Variants in CACNA2D2 observed in about 807,000 individuals in gnomAD.
CACNA2D2 encodes the protein voltage-dependent calcium channel subunit alpha-2/delta-2.
In CACNA2D2, 48 loss-of-function variants were observed where a neutral mutation model predicts 166.4. The ratio of observed to expected loss-of-function variants is 0.29; its 90% CI spans 0.23 to 0.37. CACNA2D2 has a LOEUF of 0.37. CACNA2D2 is among the 10% of genes least tolerant of loss of function. The pLI is 1.00. For missense variants in CACNA2D2, 1,122 were observed against 1,433.0 expected, an observed-to-expected ratio of 0.78 and a Z score of 3.50; for synonymous variants, 561 against 573.7, an observed-to-expected ratio of 0.98 and a Z score of 0.32.
At position 50,502,474 on chromosome 3, in the gene CACNA2D2, G is replaced by A. The variant is rs373656851; in HGVS notation, c.206+744C>T. On this transcript the variant is annotated intron_variant, in intron 1 of 37. Transcript: ENST00000424201. ...TGCTGGCTCTTGGGGAGGAGGAGAA[G>A]GCTCAGAAGGACCAAAAAACCTGCG... Among the ~76,000 whole-genome samples the A allele has an allele frequency of 5.3e-5, 8 of 152,372 alleles. No individual in the cohort carries two copies. In the East Asian group the frequency reaches 1.2e-3, roughly 22 times the overall value.
At chr3:50,393,718 G>T (rs1705999950) in intron 4 of CACNA2D2, among the ~76,000 whole-genome samples, 1 of 152,226 alleles carries the variant, frequency 6.6e-6, no homozygotes, top group South Asian at 2.1e-4. Flanking sequence ...GTCAGGGAAG[G>T]GCATTTGGTC....
intron 15 of CACNA2D2, 75 bp downstream of exon 15, chr3:50,377,933 C>A: frequency 6.5e-7 from 1 of 1,528,438 alleles, no homozygotes; most frequent in Non-Finnish European, 9.0e-7. Flanking sequence ...GGGGGCCCTC[C>A]AGGGTCTTGA....
intron 2 of CACNA2D2, among the ~76,000 whole-genome samples, chr3:50,444,688 A>G (rs1475222951): frequency 6.6e-6 from 1 of 152,198 alleles, no homozygotes; most frequent in Non-Finnish European, 1.5e-5. Context: ...GACAGCCCCA[A>G]TCACAGTAAG....
chr3:50,502,799 C>A (rs765245990), intron 1 of CACNA2D2, among the ~76,000 whole-genome samples: 1 of 152,254 alleles, frequency 6.6e-6, no homozygotes, highest in Non-Finnish European at 1.5e-5. Context: ...GCGCCGGATT[C>A]CCACCAGGGA....
intron 2 of CACNA2D2, among the ~76,000 whole-genome samples, chr3:50,458,666 A>G (rs1342388245): frequency 6.6e-6 from 1 of 152,248 alleles, no homozygotes; most frequent in Non-Finnish European, 1.5e-5. Context: ...CACGACAGTT[A>G]AGGACTATTC....
Position 50,362,845 on chromosome 3 carries a change from T to C in CACNA2D2, c.*1821A>G. On this transcript the variant is annotated 3_prime_UTR_variant, in exon 38 of 38. Coordinates refer to ENST00000424201, the MANE Select transcript of CACNA2D2 (RefSeq NM_006030.4). ...TTATTTAATAACTGATCTTCTGTAA[T>C]AAACCATTTGAAAATATTTTACAAG... 3.1e-6 allele frequency: 1 copy of C among 326,060 alleles called. No individual in the cohort carries two copies. The highest frequency in any genetic ancestry group is 4.8e-5 in the East Asian group (1 of 20,962). The allele number at this position is 326,060 out of a possible 1,614,324, so 20.2% of individuals were successfully genotyped here.
intron 1 of CACNA2D2, among the ~76,000 whole-genome samples, chr3:50,482,115 A>C (rs543977518): frequency 6.6e-6 from 1 of 152,336 alleles, no homozygotes; most frequent in South Asian, 2.1e-4. Context: ...GACAGGGTGG[A>C]GAGGCAAGCA....
intron 1 of CACNA2D2, among the ~76,000 whole-genome samples, chr3:50,488,482 A>G (rs530514210): frequency 9.9e-5 from 15 of 152,038 alleles, no homozygotes; most frequent in South Asian, 6.2e-4. Context: ...TGTACTTTGT[A>G]TCTTGCAATC....
At chr3:50,439,546 G>A (rs1207637391) in intron 2 of CACNA2D2, among the ~76,000 whole-genome samples, 2 of 152,210 alleles carry the variant, frequency 1.3e-5, no homozygotes, top group Non-Finnish European at 2.9e-5. Flanking sequence ...GGAGACTGGC[G>A]CTCCAATCCC....
At chr3:50,451,186 C>A (rs1306444934) in intron 2 of CACNA2D2, among the ~76,000 whole-genome samples, 2 of 151,906 alleles carry the variant, frequency 1.3e-5, no homozygotes, top group Non-Finnish European at 2.9e-5. Context: ...AGTGCAATGG[C>A]GCGATCTCGG....
intron 1 of CACNA2D2, among the ~76,000 whole-genome samples, chr3:50,483,599 A>G (rs1057379489): frequency 2.0e-5 from 3 of 152,168 alleles, no homozygotes; most frequent in African/African-American, 7.2e-5. Flanking sequence ...TACTCATAGC[A>G]GCCTGCTGGG....
chr3:50,366,557 G>T lies in CACNA2D2; in HGVS notation c.2637+21C>A, dbSNP rs1294637453. 6.2e-6 allele frequency: 10 copies of T among 1,613,194 alleles called. No homozygotes were observed. The highest frequency in any genetic ancestry group is 8.5e-7 in the Non-Finnish European group (1 of 1,179,248). On this transcript the variant is annotated intron_variant, in intron 30 of 37. Transcript: ENST00000424201. The surrounding 1 kb of genome is among the most constrained non-coding windows in gnomAD (Gnocchi z 5.9). ...GAAGTGGGGTAAGCTAGGGTCCAGG[G>T]TAGGTTCAGGGCACACACACCTCAT...
intron 3 of CACNA2D2, among the ~76,000 whole-genome samples, chr3:50,407,331 T>C (rs1209693176): frequency 6.6e-6 from 1 of 151,896 alleles, no homozygotes; most frequent in Non-Finnish European, 1.5e-5. Context: ...TTGCATCACA[T>C]GCTCAGATGG....
intron 2 of CACNA2D2, among the ~76,000 whole-genome samples, chr3:50,456,560 G>T (rs1377511228): frequency 2.0e-5 from 3 of 152,136 alleles, no homozygotes; most frequent in African/African-American, 7.2e-5. Context: ...GAGATTGGCC[G>T]AGGCAGTCAG....
intron 6 of CACNA2D2, 49 bp from the exon 7 acceptor site, chr3:50,381,175 G>A: frequency 6.2e-7 from 1 of 1,605,778 alleles, no homozygotes; most frequent in Non-Finnish European, 8.5e-7. Flanking sequence ...GCTGTGTCCT[G>A]TCGAACCCAC....
intron 6 of CACNA2D2, among the ~76,000 whole-genome samples, chr3:50,382,502 C>G (rs1275764440): frequency 6.6e-6 from 1 of 152,190 alleles, no homozygotes; most frequent in South Asian, 2.1e-4. Flanking sequence ...CTGATCCCTG[C>G]CCCCTGCTCC....
At chr3:50,448,877 T>C (rs1196963932) in intron 2 of CACNA2D2, among the ~76,000 whole-genome samples, 2 of 152,168 alleles carry the variant, frequency 1.3e-5, no homozygotes, top group Non-Finnish European at 2.9e-5. Context: ...ACCCCATTGA[T>C]GGCGCAGGCT....
chr3:50,424,992 G>A (rs537368701), intron 3 of CACNA2D2, among the ~76,000 whole-genome samples: 25 of 152,268 alleles, frequency 1.6e-4, no homozygotes, highest in Non-Finnish European at 3.2e-4. Flanking sequence ...ACCTCCCACA[G>A]GTACCCACTG....
At position 50,364,737 on chromosome 3, in the gene CACNA2D2, G is replaced by C; in HGVS notation, c.3361C>G (p.Leu1121Val). 9 of 1,561,664 alleles carry C rather than the reference G, an allele frequency of 5.8e-6. No homozygotes were observed. Among genetic ancestry groups the C allele is most frequent in the Non-Finnish European group, 6.9e-6 (8 of 1,153,824 alleles). Residue 1121 changes from leucine to valine, a missense_variant, in exon 38 of 38, where the codon CTG (leucine) becomes GTG (valine). Coordinates refer to ENST00000424201, the MANE Select transcript of CACNA2D2 (RefSeq NM_006030.4). ...PSLGVLVSLQ[L>V]LLLLGLPPRP... ...GGCGGCAGGCCCAGGAGGAGCAGCA[G>C]TTGCAGGGAGACCAGGACGCCCAGC... is the stretch of plus-strand genomic sequence containing the variant.
Sources: gnomAD v4.1 joint callset for allele counts (sites outside exome capture counted in the v4.1 genomes callset) on GRCh38, gnomAD v4.1.1 for gene constraint, Gnocchi (gnomAD v3.1) non-coding constraint, MANE v1.5 for transcripts, NCBI Gene and HGNC (gene_info 2026-07-23, HGNC 2026-07-21) for gene names.